FREM2: variants seen among roughly 807,000 people sequenced by gnomAD.
FREM2 encodes the protein FRAS1 related extracellular matrix 2.
Under a neutral mutation model 219.9 loss-of-function variants are expected in FREM2, and 119 were observed. The ratio of observed to expected loss-of-function variants is 0.54; its 90% confidence interval spans 0.47 to 0.63. FREM2 has a LOEUF of 0.63. Ranked by LOEUF, FREM2 falls within the 30% of genes least tolerant of loss-of-function variation. The pLI is 0.00. For synonymous variants in FREM2, 1,562 were observed against 1,522.8 expected, an observed-to-expected ratio of 1.03 and a Z score of -0.60; for missense variants, 4,030 against 3,993.6, an observed-to-expected ratio of 1.01 and a Z score of -0.25.
At chr13:38,701,010 G>A (rs570159338) in intron 2 of FREM2, among the ~76,000 whole-genome samples, 5 of 151,912 alleles carry the variant, frequency 3.3e-5, no homozygotes, top group East Asian at 1.9e-4. Context: ...CTTTGTTTTC[G>A]GTTCAGAGGT....
In FREM2 at chr13:38,807,217, ATATATATATATG is replaced by A. The variant is rs1307623343; in HGVS notation, c.6019+22413_6019+22424del. ...TATATATATATATATATATATATAT[ATATATATATATG>A]TATGGTTTTGTTTTGTTTTGTTTTT... On this transcript the variant is annotated intron_variant, in intron 6 of 23. Transcript: ENST00000280481. 1.2e-4 allele frequency among the ~76,000 whole-genome samples: 14 copies of A among 119,330 alleles called. 2 individuals carry two copies. Among genetic ancestry groups the A allele is most frequent in the Admixed American group, 6.0e-4 (7 of 11,586 alleles). The allele number at this position is 119,330 out of a possible 152,430, so 78.3% of individuals were successfully genotyped here. A position where few individuals can be genotyped will look rare whatever the true frequency, so the allele number is the denominator to read the frequency against.
chr13:38,879,609 G>C (rs1159489596), intron 23 of FREM2, among the ~76,000 whole-genome samples: 1 of 152,200 alleles, frequency 6.6e-6, no homozygotes, highest in Non-Finnish European at 1.5e-5. Flanking sequence ...AACCCGACAG[G>C]ATGGCCTGGA....
At position 38,880,444 on chromosome 13, in the gene FREM2, G is replaced by A. The variant is rs144818444; in HGVS notation, c.9167G>A (p.Arg3056Lys). ...TTKSRKKREI[R>K]STPSLAWEIG... The stretch of plus-strand genomic sequence containing the variant: ...AAGAGCCGGAAGAAGAGAGAGATCA[G>A]GAGCACACCCTCACTGGCATGGGAG... The change falls in exon 24 of 24, where the codon AGG becomes AAG. Residue 3056 changes from arginine (R) to lysine (K), a missense_variant. Around this residue, in one of 2 missense-constraint regions of FREM2, gnomAD observed 928 missense variants for 1,042.9 expected, o/e 0.89. Transcript: ENST00000280481. 11 of 1,613,990 alleles carry A rather than the reference G, an allele frequency of 6.8e-6. No homozygotes were observed. Among genetic ancestry groups the A allele is most frequent in the Non-Finnish European group, 9.3e-6 (11 of 1,180,024 alleles).
intron 2 of FREM2, among the ~76,000 whole-genome samples, chr13:38,739,632 A>G (rs1345989392): frequency 3.3e-5 from 5 of 152,038 alleles, no homozygotes; most frequent in Admixed American, 3.3e-4. Context: ...GTCTCCTCTC[A>G]ACTCTTCCTT....
At chr13:38,867,317 A>C (rs1276691953) in intron 16 of FREM2, among the ~76,000 whole-genome samples, 1 of 152,242 alleles carries the variant, frequency 6.6e-6, no homozygotes, top group Admixed American at 6.5e-5. Flanking sequence ...CTGCTTTTGC[A>C]TTGTTAAACA....
chr13:38,786,280 A>G (rs1874325801), intron 6 of FREM2, among the ~76,000 whole-genome samples: 1 of 152,208 alleles, frequency 6.6e-6, no homozygotes, highest in Admixed American at 6.5e-5. Flanking sequence ...ACAATTCTGT[A>G]GAATCCATAA....
intron 2 of FREM2, among the ~76,000 whole-genome samples, chr13:38,708,872 G>A (rs1870646867): frequency 6.6e-6 from 1 of 152,030 alleles, no homozygotes; most frequent in Non-Finnish European, 1.5e-5. Flanking sequence ...CAATTCTCCT[G>A]CCTCAGCCTT....
intron 2 of FREM2, among the ~76,000 whole-genome samples, chr13:38,750,089 G>C (rs1019085199): frequency 2.0e-5 from 3 of 152,122 alleles, no homozygotes; most frequent in Non-Finnish European, 4.4e-5. Context: ...CTAAATAGTT[G>C]CTTAGGACCA....
chr13:38,876,410 G>A (rs1218868935), intron 20 of FREM2, 28 bp downstream of exon 20: 1 of 1,596,236 alleles, frequency 6.3e-7, no homozygotes, highest in South Asian at 1.1e-5. Context: ...ACTATCTTAT[G>A]ACTTGCAGAA....
chr13:38,824,829 C>T (rs1876213092), intron 6 of FREM2, among the ~76,000 whole-genome samples: 2 of 152,016 alleles, frequency 1.3e-5, no homozygotes, highest in Admixed American at 1.3e-4. Context: ...AGACTCCTCT[C>T]CTCCTGTAGG....
intron 2 of FREM2, among the ~76,000 whole-genome samples, chr13:38,763,464 C>CTTTTTTTTTTTTTTTTTTTTTTTTTTTTT (rs1163604743): frequency 9.8e-6 from 1 of 102,348 alleles, no homozygotes; most frequent in Admixed American, 1.2e-4. Flanking sequence ...GTTACTTGGG[C>CTTTTTTTTTTTTTTTTTTTTTTTTTTTTT]TTTTTTTTTT....
At chr13:38,787,751 T>C (rs976629039) in intron 6 of FREM2, among the ~76,000 whole-genome samples, 2 of 148,908 alleles carry the variant, frequency 1.3e-5, no homozygotes, top group South Asian at 2.1e-4. Flanking sequence ...TTAATGTTAT[T>C]ATTTATTATT....
intron 2 of FREM2, among the ~76,000 whole-genome samples, chr13:38,752,614 AT>A (rs1287905958): frequency 6.6e-6 from 1 of 152,208 alleles, no homozygotes; most frequent in African/African-American, 2.4e-5. Flanking sequence ...GATTAAAAAA[AT>A]GTTTTCTTAT....
rs577938721 is a variant in FREM2 at position 38,797,063 on chromosome 13, A to G, written c.6019+12255A>G. ...GCTATTTTCTTTAAATTTTTTGTAG[A>G]GATGGGGTCTCTCTATGTTGCCCAG... On this transcript the variant is annotated intron_variant, in intron 6 of 23. Coordinates refer to ENST00000280481, the MANE Select transcript of FREM2 (RefSeq NM_207361.6). Among the ~76,000 whole-genome samples the G allele has an allele frequency of 8.7e-4, 132 of 152,054 alleles. 1 individual carries two copies. In the South Asian group the frequency reaches 0.013, roughly 16 times the overall value.
intron 3 of FREM2, among the ~76,000 whole-genome samples, chr13:38,765,189 C>T (rs1314570254): frequency 2.0e-5 from 3 of 152,128 alleles, no homozygotes; most frequent in Admixed American, 6.5e-5. Context: ...GGATTACAGG[C>T]GTGAGCCACC....
intron 1 of FREM2, among the ~76,000 whole-genome samples, chr13:38,693,811 A>G (rs1869998880): frequency 1.3e-5 from 2 of 152,194 alleles, no homozygotes; most frequent in Admixed American, 1.3e-4. Context: ...CCACACTCCA[A>G]CCTCCTGATT....
At chr13:38,840,640 A>G (rs71423187) in intron 6 of FREM2, among the ~76,000 whole-genome samples, 21,202 of 146,092 alleles carry the variant, frequency 0.15, 1,847 homozygotes, top group Admixed American at 0.24. Context: ...ATATATATAT[A>G]TATATGTGTA....
chr13:38,846,444 A>G, intron 6 of FREM2, 129 bp from the exon 7 acceptor site: 1 of 922,712 alleles, frequency 1.1e-6, no homozygotes, highest in Non-Finnish European at 1.7e-6. Flanking sequence ...TATCTCACTA[A>G]AAGGAAAAAA....
intron 2 of FREM2, among the ~76,000 whole-genome samples, chr13:38,735,798 TTAGATAATAA>T (rs1871967431): frequency 6.6e-6 from 1 of 152,042 alleles, no homozygotes; most frequent in African/African-American, 2.4e-5. Context: ...ACCTGCAAGA[TTAGATAATAA>T]TAATGACTGT....
Sources: gnomAD v4.1 joint callset for allele counts (sites outside exome capture counted in the v4.1 genomes callset) on GRCh38, gnomAD v4.1.1 for gene constraint, gnomAD v4.1.1 regional missense constraint, MANE v1.5 for transcripts, NCBI Gene and HGNC (gene_info 2026-07-23, HGNC 2026-07-21) for gene names.